The following FTO variants were observed in gnomAD, a reference collection of about 807,000 sequenced individuals.
The protein encoded by FTO is FTO alpha-ketoglutarate dependent dioxygenase.
FTO carries 47 observed loss-of-function variants against 63.9 expected under a neutral mutation model. That is an observed-to-expected ratio of 0.74 (90% CI 0.58 to 0.94). The LOEUF (loss-of-function observed/expected upper bound fraction) is 0.94, where lower values mean the gene tolerates loss of function less well. Among genes scored for constraint, FTO ranks in the 40% least tolerant of loss-of-function variants. FTO has a pLI of 0.00. For synonymous variants in FTO, 207 were observed against 224.4 expected (o/e 0.92, Z 0.69); for missense variants, 562 against 618.1 (o/e 0.91, Z 0.96).
intron 7 of FTO, among the ~76,000 whole-genome samples, chr16:53,926,735 G>C (rs1456419640): frequency 6.6e-6 from 1 of 152,116 alleles, no homozygotes; most frequent in Non-Finnish European, 1.5e-5. Flanking sequence ...ATAGCCATGT[G>C]TTTTTAGGGA....
At chr16:53,962,325 C>G (rs2083101534) in intron 8 of FTO, among the ~76,000 whole-genome samples, 1 of 152,106 alleles carries the variant, frequency 6.6e-6, no homozygotes, top group Non-Finnish European at 1.5e-5. Flanking sequence ...TGGGAAGACA[C>G]TGACCCCAAT....
At chr16:53,756,808 T>C (rs2151587786) in intron 1 of FTO, among the ~76,000 whole-genome samples, 1 of 152,212 alleles carries the variant, frequency 6.6e-6, no homozygotes, top group East Asian at 1.9e-4. Context: ...TAGAAGTCCA[T>C]TCAGCTGGAA....
chr16:53,987,291 G>T (rs2083690720), intron 8 of FTO, among the ~76,000 whole-genome samples: 1 of 151,958 alleles, frequency 6.6e-6, no homozygotes, highest in African/African-American at 2.4e-5. Context: ...TGTTTAAAAT[G>T]ACAATACAGC....
At chr16:54,083,470 G>A (rs1442814811) in intron 8 of FTO, among the ~76,000 whole-genome samples, 2 of 152,060 alleles carry the variant, frequency 1.3e-5, no homozygotes, top group Non-Finnish European at 2.9e-5. Flanking sequence ...TTATCTTAAG[G>A]GAAACTGTCT....
chr16:53,849,658 T>C (rs1458488788), intron 4 of FTO, among the ~76,000 whole-genome samples: 2 of 152,332 alleles, frequency 1.3e-5, no homozygotes, highest in Middle Eastern at 3.4e-3. Flanking sequence ...TTCCTTGAAA[T>C]ACCTATGGCT....
intron 8 of FTO, among the ~76,000 whole-genome samples, chr16:53,956,308 A>G (rs1003247630): frequency 2.0e-5 from 3 of 152,076 alleles, no homozygotes; most frequent in African/African-American, 7.2e-5. Context: ...CAGAACCAAG[A>G]GGATCTGTGT....
At chr16:54,110,792 T>C (rs970225774) in intron 8 of FTO, among the ~76,000 whole-genome samples, 10 of 152,196 alleles carry the variant, frequency 6.6e-5, no homozygotes, top group African/African-American at 2.2e-4. Flanking sequence ...TGCTCCCAAG[T>C]GTCCTCATAG....
At chr16:54,095,586 G>C (rs1343058799) in intron 8 of FTO, among the ~76,000 whole-genome samples, 1 of 152,146 alleles carries the variant, frequency 6.6e-6, no homozygotes, top group Non-Finnish European at 1.5e-5. Context: ...CTTCCTTGAA[G>C]TCTTGGTTTT....
chr16:53,781,148 A>T (rs2077578046), intron 1 of FTO, among the ~76,000 whole-genome samples: 1 of 152,180 alleles, frequency 6.6e-6, no homozygotes, highest in South Asian at 2.1e-4. Context: ...TCTGAGATAT[A>T]ATTATCCCTA....
At chr16:53,847,416 A>T (rs1297770831) in intron 4 of FTO, among the ~76,000 whole-genome samples, 1 of 152,110 alleles carries the variant, frequency 6.6e-6, no homozygotes, top group Non-Finnish European at 1.5e-5. Context: ...GAAGTTAATG[A>T]TATTCTGTTT....
intron 4 of FTO, among the ~76,000 whole-genome samples, chr16:53,863,152 C>T (rs577014121): frequency 6.6e-6 from 1 of 152,300 alleles, no homozygotes; most frequent in African/African-American, 2.4e-5. Flanking sequence ...GCAGTGCCTT[C>T]TTGAATCAAG....
At chr16:53,978,531 AT>A (rs1156968450) in intron 8 of FTO, among the ~76,000 whole-genome samples, 5 of 152,114 alleles carry the variant, frequency 3.3e-5, no homozygotes, top group Non-Finnish European at 7.4e-5. Context: ...TTGTAACTTT[AT>A]TATTACTATT....
chr16:53,773,505 T>C (rs1336147051), intron 1 of FTO, among the ~76,000 whole-genome samples: 1 of 152,168 alleles, frequency 6.6e-6, no homozygotes, highest in Non-Finnish European at 1.5e-5. Flanking sequence ...CATGCACCTC[T>C]TGTGGTCATG....
At chr16:53,751,142 C>T (rs2076778986) in intron 1 of FTO, among the ~76,000 whole-genome samples, 1 of 151,696 alleles carries the variant, frequency 6.6e-6, no homozygotes, top group Non-Finnish European at 1.5e-5. Flanking sequence ...GGAGTGGTGG[C>T]TCACACCTGT....
At chr16:53,925,737 T>TG (rs1364415907) in intron 7 of FTO, among the ~76,000 whole-genome samples, 1 of 152,156 alleles carries the variant, frequency 6.6e-6, no homozygotes, top group Non-Finnish European at 1.5e-5. Context: ...AAACCCTACA[T>TG]GCAACAAATT....
In FTO at chr16:53,802,057, CG is replaced by C. The variant is rs1442452527; in HGVS notation, c.46-8082del. Among the ~76,000 whole-genome samples the C allele has an allele frequency of 3.3e-5, 5 of 152,326 alleles. No homozygotes were observed. In the South Asian group the frequency reaches 1.0e-3, roughly 32 times the overall value. The stretch of plus-strand genomic sequence containing the variant: ...GGGATTACAGGTGTGAGCCACCACA[CG>C]CAGTCTTATTTGGTTTTATTTTTAT... On this transcript the variant is annotated intron_variant, in intron 1 of 8. Transcript: ENST00000471389.
intron 7 of FTO, among the ~76,000 whole-genome samples, chr16:53,922,086 AAC>A (rs762201264): frequency 3.3e-4 from 50 of 152,296 alleles, no homozygotes; most frequent in Non-Finnish European, 5.4e-4. Flanking sequence ...GTAAAATAAA[AAC>A]AGTTTTATCG....
At chr16:53,911,262 A>C (rs888371981) in intron 7 of FTO, 55 of 639,494 alleles carry the variant, frequency 8.6e-5, no homozygotes, top group Non-Finnish European at 6.5e-5. Context: ...TGTAGTTTCA[A>C]GAGTAAAGGA....
Position 54,108,298 on chromosome 16 carries a change from A to C in FTO, c.1365-3464A>C, listed in dbSNP as rs140551976. Among the ~76,000 whole-genome samples, 983 of 152,350 alleles carry C rather than the reference A, an allele frequency of 6.5e-3. 9 individuals are homozygous for C. Among genetic ancestry groups the C allele is most frequent in the Non-Finnish European group, 0.011 (733 of 68,022 alleles). ...CAGTCTGGAACAACCACCATTTGGA[A>C]GGCCAGACGACAATGCCTTTTATCA... On this transcript the variant is annotated intron_variant, in intron 8 of 8. Transcript: ENST00000471389.
Sources: gnomAD v4.1 joint callset for allele counts (sites outside exome capture counted in the v4.1 genomes callset) on GRCh38, gnomAD v4.1.1 for gene constraint, MANE v1.5 for transcripts, NCBI Gene and HGNC (gene_info 2026-07-23, HGNC 2026-07-21) for gene names.